SAXO1: variants seen among roughly 807,000 people sequenced by gnomAD.
SAXO1 encodes stabilizer of axonemal microtubules 1.
Under a neutral mutation model 17.5 loss-of-function variants are expected in SAXO1, and 21 were observed. That is an observed-to-expected ratio of 1.20 (90% confidence interval 0.85 to 1.72). The LOEUF (loss-of-function observed/expected upper bound fraction) is 1.72. Among genes scored for constraint, SAXO1 ranks in the 40% most tolerant of loss-of-function variants. The probability of loss-of-function intolerance (pLI) is 0.00; values close to 1 mark genes in which losing one functional copy is unlikely to be tolerated. For synonymous variants in SAXO1, 274 were observed against 216.5 expected (o/e 1.27, Z -2.33); for missense variants, 843 against 596.0 (o/e 1.41, Z -4.32).
intron 1 of SAXO1, among the ~76,000 whole-genome samples, chr9:18,954,958 T>A (rs1167492146): frequency 6.6e-6 from 1 of 151,014 alleles, no homozygotes; most frequent in African/African-American, 2.4e-5. Flanking sequence ...TCCTCTAGAA[T>A]AACATCATCC....
At chr9:19,021,534 A>G (rs574089369) in intron 1 of SAXO1, among the ~76,000 whole-genome samples, 11 of 152,282 alleles carry the variant, frequency 7.2e-5, no homozygotes, top group African/African-American at 2.6e-4. Context: ...CTGGACCTGA[A>G]AAAACACCGC....
At chr9:18,984,803 AT>A (rs777788894) in intron 1 of SAXO1, among the ~76,000 whole-genome samples, 8 of 152,174 alleles carry the variant, frequency 5.3e-5, no homozygotes, top group Non-Finnish European at 1.2e-4. Flanking sequence ...AGCACTTTGA[AT>A]TTCTTTCAAG....
intron 2 of SAXO1, among the ~76,000 whole-genome samples, chr9:18,943,089 G>T (rs1435050534): frequency 6.6e-6 from 1 of 152,216 alleles, no homozygotes; most frequent in African/African-American, 2.4e-5. Context: ...ACTGTAACCT[G>T]TCTTGCGTGA....
At chr9:18,997,916 A>G (rs1834078548) in intron 1 of SAXO1, among the ~76,000 whole-genome samples, 1 of 152,220 alleles carries the variant, frequency 6.6e-6, no homozygotes, top group African/African-American at 2.4e-5. Flanking sequence ...AAGGAATAGC[A>G]TCAACATCAA....
At chr9:18,941,604 T>A (rs1206075133) in intron 3 of SAXO1, 33 bp downstream of exon 3, 1 of 1,612,594 alleles carries the variant, frequency 6.2e-7, no homozygotes, top group Non-Finnish European at 8.5e-7. Context: ...TCAGCCTGTC[T>A]TTCCCCCAAT....
chr9:18,950,071 G>A (rs567208289), intron 2 of SAXO1, among the ~76,000 whole-genome samples: 47 of 152,062 alleles, frequency 3.1e-4, no homozygotes, highest in Non-Finnish European at 6.2e-4. Flanking sequence ...GATTCTGCAA[G>A]AGCCTTGCTT....
intron 1 of SAXO1, among the ~76,000 whole-genome samples, chr9:19,007,580 ACTT>A (rs1204265115): frequency 7.9e-5 from 12 of 152,258 alleles, no homozygotes; most frequent in African/African-American, 2.9e-4. Context: ...TAGGTAACCA[ACTT>A]CTGTTTAGAA....
chr9:18,996,588 G>A (rs1303478194), intron 1 of SAXO1, among the ~76,000 whole-genome samples: 1 of 152,128 alleles, frequency 6.6e-6, no homozygotes, highest in Non-Finnish European at 1.5e-5. Context: ...TGCAGCACAT[G>A]ACTGTACTTC....
chr9:18,941,231 A>G (rs573114453), intron 3 of SAXO1, among the ~76,000 whole-genome samples: 28 of 152,286 alleles, frequency 1.8e-4, no homozygotes, highest in African/African-American at 6.3e-4. Flanking sequence ...GATATTTTGT[A>G]TAAGAGCCAG....
intron 1 of SAXO1, chr9:19,027,532 G>C (rs1835543802): frequency 4.9e-6 from 5 of 1,015,482 alleles, no homozygotes; most frequent in Non-Finnish European, 7.9e-6. Context: ...GGACGGAGAA[G>C]ACCCTCCTGG....
intron 1 of SAXO1, among the ~76,000 whole-genome samples, chr9:18,986,753 T>C (rs190974321): frequency 6.6e-6 from 1 of 152,344 alleles, no homozygotes; most frequent in African/African-American, 2.4e-5. Flanking sequence ...GTTGTGCAGG[T>C]TGCATACTGC....
At chr9:19,025,950 A>G (rs1325899159) in intron 1 of SAXO1, among the ~76,000 whole-genome samples, 1 of 152,174 alleles carries the variant, frequency 6.6e-6, no homozygotes, top group East Asian at 1.9e-4. Context: ...CTACAATCAA[A>G]AATGGCCCAT....
chr9:18,938,230 G>A (rs970239792), intron 3 of SAXO1, among the ~76,000 whole-genome samples: 1 of 152,190 alleles, frequency 6.6e-6, no homozygotes, highest in Non-Finnish European at 1.5e-5. Flanking sequence ...TGTCAGTAGG[G>A]AAGTCAGCCA....
intron 1 of SAXO1, among the ~76,000 whole-genome samples, chr9:18,982,545 G>A (rs1588476941): frequency 6.6e-6 from 1 of 152,216 alleles, no homozygotes; most frequent in East Asian, 1.9e-4. Flanking sequence ...TTCCAACAGA[G>A]TCACCATGGC....
intron 1 of SAXO1, among the ~76,000 whole-genome samples, chr9:18,971,979 A>G (rs1932448): frequency 0.81 from 122,638 of 152,136 alleles, 49,650 homozygotes; most frequent in African/African-American, 0.87. Flanking sequence ...GTTACTTGAC[A>G]AAACAAGAAG....
intron 1 of SAXO1, among the ~76,000 whole-genome samples, chr9:18,998,542 C>A (rs181156868): frequency 1.3e-5 from 2 of 152,104 alleles, no homozygotes; most frequent in East Asian, 3.8e-4. Context: ...AAACACTCTT[C>A]GGGATATTAT....
At chr9:18,938,492 G>A (rs1373319900) in intron 3 of SAXO1, among the ~76,000 whole-genome samples, 1 of 152,078 alleles carries the variant, frequency 6.6e-6, no homozygotes, top group East Asian at 1.9e-4. Flanking sequence ...TAAACAAGCA[G>A]ATCTCAGGGG....
chr9:18,992,207 G>C (rs1833842007), intron 1 of SAXO1, among the ~76,000 whole-genome samples: 1 of 152,214 alleles, frequency 6.6e-6, no homozygotes, highest in Non-Finnish European at 1.5e-5. Flanking sequence ...GGTTGAACCA[G>C]AAGTTTATTG....
Position 19,011,848 on chromosome 9 carries a change from G to GTGT in SAXO1, c.38+21022_38+21023insACA, listed in dbSNP as rs10646825. The stretch of plus-strand genomic sequence containing the variant: ...TTCAATTTTACCATTATTAAGCATA[G>GTGT]ATTTTTTTTTTTTTTTGAGATGGAG... On this transcript the variant is annotated intron_variant, in intron 1 of 3. Coordinates refer to ENST00000380534, the MANE Select transcript of SAXO1 (RefSeq NM_153707.4). Among the ~76,000 whole-genome samples the GTGT allele has an allele frequency of 9.1e-5, 13 of 143,522 alleles. No individual in the cohort carries two copies. In the East Asian group the frequency reaches 1.4e-3, roughly 16 times the overall value. 94.2% of individuals were successfully genotyped at this position (143,522 alleles called of 152,430 possible). A position where few individuals can be genotyped will look rare whatever the true frequency, so the allele number is the denominator to read the frequency against.
Sources: gnomAD v4.1 joint callset for allele counts (sites outside exome capture counted in the v4.1 genomes callset) on GRCh38, gnomAD v4.1.1 for gene constraint, MANE v1.5 for transcripts, NCBI Gene and HGNC (gene_info 2026-07-23, HGNC 2026-07-21) for gene names.